The following RBFOX3 variants were observed in gnomAD, a reference collection of about 807,000 sequenced individuals.
The protein encoded by RBFOX3 is RNA binding fox-1 homolog 3.
A neutral mutation model predicts 48.7 loss-of-function variants in RBFOX3; 17 were observed. That is an observed-to-expected ratio of 0.35 (90% CI 0.24 to 0.52). RBFOX3 has a LOEUF of 0.52. Ranked by LOEUF, RBFOX3 falls within the 20% of genes least tolerant of loss-of-function variation. The pLI is 0.94. For synonymous variants in RBFOX3, 212 were observed against 209.5 expected (o/e 1.01, Z -0.10); for missense variants, 382 against 497.5 (o/e 0.77, Z 2.21).
rs145715125 is a variant in RBFOX3 at position 79,407,242 on chromosome 17, A to G, written c.-175+75212T>C. 6.4e-3 allele frequency among the ~76,000 whole-genome samples: 975 copies of G among 152,362 alleles called. 4 individuals carry two copies. The highest frequency in any genetic ancestry group is 0.022 in the African/African-American group (913 of 41,598). On this transcript the variant is annotated intron_variant, in intron 2 of 14. Transcript: ENST00000693108. ...AGGCTGGTCTCAAACTCCTGACCTCAGGTGATCCACCTGCCTCGGCCTCCC... is the reference window on the plus strand; with the variant it reads ...AGGCTGGTCTCAAACTCCTGACCTCGGGTGATCCACCTGCCTCGGCCTCCC...
intron 4 of RBFOX3, among the ~76,000 whole-genome samples, chr17:79,149,235 G>GT (rs2043757291): frequency 6.6e-6 from 1 of 152,220 alleles, no homozygotes; most frequent in African/African-American, 2.4e-5. Flanking sequence ...GGCCTGGGAA[G>GT]GTGGCAGGGC....
intron 4 of RBFOX3, among the ~76,000 whole-genome samples, chr17:79,209,002 G>A (rs533247841): frequency 3.3e-5 from 5 of 151,820 alleles, no homozygotes; most frequent in Non-Finnish European, 7.4e-5. Context: ...CTTTTTTTTA[G>A]TAGAGACAGG....
intron 1 of RBFOX3, among the ~76,000 whole-genome samples, chr17:79,557,542 G>T (rs1336822816): frequency 2.0e-4 from 30 of 152,346 alleles, no homozygotes; most frequent in Non-Finnish European, 1.5e-5. Context: ...GGGGGGAAAG[G>T]GGGGAAGAGT....
intron 4 of RBFOX3, among the ~76,000 whole-genome samples, chr17:79,181,384 T>G (rs796475400): frequency 6.6e-6 from 1 of 152,212 alleles, no homozygotes; most frequent in Non-Finnish European, 1.5e-5. Flanking sequence ...GTCAGTCCTA[T>G]GCTCATGGAA....
chr17:79,230,098 A>AG (rs1231417583), intron 4 of RBFOX3, among the ~76,000 whole-genome samples: 1 of 152,086 alleles, frequency 6.6e-6, no homozygotes, highest in South Asian at 2.1e-4. Context: ...ACTGGGGGCA[A>AG]GGGGGGTGCC....
Position 79,476,548 on chromosome 17 carries a change from C to T in RBFOX3, c.-175+5906G>A, listed in dbSNP as rs62062822. On this transcript the variant is annotated intron_variant, in intron 2 of 14. Coordinates refer to ENST00000693108, the MANE Select transcript of RBFOX3 (RefSeq NM_001350451.2). ...AAAGAGTTCTTGGAGGCAAACCCCA[C>T]GCCAGTCAGTTCAGGGCGTGTGAAG... Among the ~76,000 whole-genome samples, 1,277 of 152,262 alleles carry T rather than the reference C, an allele frequency of 8.4e-3. 3 individuals are homozygous for T. The highest frequency in any genetic ancestry group is 0.014 in the Non-Finnish European group (938 of 68,018).
chr17:79,096,511 C>T (rs571879385), intron 12 of RBFOX3, 142 bp downstream of exon 12: 16 of 698,146 alleles, frequency 2.3e-5, no homozygotes, highest in Non-Finnish European at 3.4e-5. Flanking sequence ...TCTGGGCAGA[C>T]GTGGCACCCT....
At chr17:79,307,881 G>C (rs2076299429) in intron 2 of RBFOX3, 57 bp from the exon 3 acceptor site, 1 of 153,778 alleles carries the variant, frequency 6.5e-6, no homozygotes, top group African/African-American at 2.4e-5. Context: ...TGAATATCTA[G>C]AGTGCATCAG....
chr17:79,650,413 C>T, the RBFOX3 span, among the ~76,000 whole-genome samples: 13 of 151,998 alleles, frequency 8.6e-5, no homozygotes, highest in African/African-American at 3.1e-4. Flanking sequence ...AGCAGAGGCC[C>T]TGGGTACTTT....
At chr17:79,357,313 G>C (rs1341737076) in intron 2 of RBFOX3, among the ~76,000 whole-genome samples, 3 of 152,206 alleles carry the variant, frequency 2.0e-5, no homozygotes, top group South Asian at 2.1e-4. Context: ...CAAAAGTAAA[G>C]CTTCATTCCA....
chr17:79,173,516 T>A (rs1001983858), intron 4 of RBFOX3, among the ~76,000 whole-genome samples: 10 of 152,194 alleles, frequency 6.6e-5, no homozygotes, highest in Admixed American at 6.5e-4. Flanking sequence ...ACCTGCAGAC[T>A]TTTGAAGATG....
chr17:79,647,779 A>G, the RBFOX3 span, among the ~76,000 whole-genome samples: 1 of 150,488 alleles, frequency 6.6e-6, no homozygotes, highest in African/African-American at 2.5e-5. Context: ...CCAACCTTCC[A>G]CCCCACTCTC....
rs1323506607 is a variant in RBFOX3 at position 79,482,840 on chromosome 17, G to GCCA, written c.-319-245_-319-243dup. On this transcript the variant is annotated intron_variant, in intron 1 of 14. Coordinates refer to ENST00000693108, the MANE Select transcript of RBFOX3 (RefSeq NM_001350451.2). The surrounding 1 kb of genome is among the most constrained non-coding windows in gnomAD (Gnocchi z 4.1). ...ATCATTAGGACCCTATTGCCAAACA[G>GCCA]CCACCGTGCAGTCCATCCCAGGGTC... Among the ~76,000 whole-genome samples the GCCA allele has an allele frequency of 2.0e-5, 3 of 151,878 alleles. No individual in the cohort carries two copies. Among genetic ancestry groups the GCCA allele is most frequent in the Non-Finnish European group, 4.4e-5 (3 of 67,968 alleles).
rs528114263 is a variant in RBFOX3 at position 79,103,561 on chromosome 17, C to A, written c.415-307G>T. ...CCAAAGCCACATAAGAGACGCCATA[C>A]CTGACCACAGGCCAGGCCTGCCCCC... On this transcript the variant is annotated intron_variant, in intron 7 of 14. Transcript: ENST00000693108. The surrounding 1 kb of genome is among the most constrained non-coding windows in gnomAD (Gnocchi z 6.1). 2.0e-4 allele frequency among the ~76,000 whole-genome samples: 30 copies of A among 152,288 alleles called. No homozygotes were observed. In the South Asian group the frequency reaches 6.2e-3, roughly 32 times the overall value.
chr17:79,173,659 C>T (rs1024422863), intron 4 of RBFOX3, among the ~76,000 whole-genome samples: 2 of 152,188 alleles, frequency 1.3e-5, no homozygotes, highest in Non-Finnish European at 2.9e-5. Context: ...GGCTCTGACC[C>T]CATCCCGTCC....
chr17:79,487,424 G>T (rs770835924), intron 1 of RBFOX3, among the ~76,000 whole-genome samples: 29 of 152,228 alleles, frequency 1.9e-4, no homozygotes, highest in Non-Finnish European at 3.7e-4. Context: ...AGAAGCAAGG[G>T]ACACGCACAG....
chr17:79,470,446 C>A (rs369747070), intron 2 of RBFOX3, among the ~76,000 whole-genome samples: 1 of 152,126 alleles, frequency 6.6e-6, no homozygotes, highest in East Asian at 1.9e-4. Flanking sequence ...TGTGAAATGT[C>A]GCCACATTAT....
At chr17:79,248,216 G>T (rs2063439541) in intron 3 of RBFOX3, among the ~76,000 whole-genome samples, 1 of 152,146 alleles carries the variant, frequency 6.6e-6, no homozygotes, top group Admixed American at 6.5e-5. Context: ...TGAAAAGGCT[G>T]GTGGCTTTGT....
intron 2 of RBFOX3, among the ~76,000 whole-genome samples, chr17:79,476,300 C>T (rs753113231): frequency 1.2e-4 from 19 of 152,338 alleles, no homozygotes; most frequent in East Asian, 5.8e-4. Flanking sequence ...CTCTGCGACC[C>T]GCCCAGTCTC....
Sources: gnomAD v4.1 joint callset for allele counts (sites outside exome capture counted in the v4.1 genomes callset) on GRCh38, gnomAD v4.1.1 for gene constraint, Gnocchi (gnomAD v3.1) non-coding constraint, MANE v1.5 for transcripts, NCBI Gene and HGNC (gene_info 2026-07-23, HGNC 2026-07-21) for gene names.